The following CHST8 variants were observed in gnomAD, a reference collection of about 807,000 sequenced individuals.
CHST8 encodes the protein carbohydrate sulfotransferase 8, also known as GALNAC-4-ST1.
CHST8 carries 10 observed loss-of-function variants against 15.0 expected under a neutral mutation model. The ratio of observed to expected loss-of-function variants is 0.67; its 90% confidence interval spans 0.41 to 1.13. The LOEUF is 1.13. Among genes scored for constraint, CHST8 ranks in the 50% most tolerant of loss-of-function variants. The probability of loss-of-function intolerance (pLI) is 0.00; values close to 1 mark genes in which losing one functional copy is unlikely to be tolerated. For missense variants in CHST8, 634 were observed against 608.2 expected (o/e 1.04, Z -0.45); for synonymous variants, 259 against 256.6 (o/e 1.01, Z -0.09).
At chr19:33,758,842 T>C (rs890799050) in intron 3 of CHST8, among the ~76,000 whole-genome samples, 1 of 151,890 alleles carries the variant, frequency 6.6e-6, no homozygotes, top group African/African-American at 2.4e-5. Context: ...GGGCAGTTTA[T>C]AAAGAAAAGA....
At chr19:33,675,793 GA>G (rs2145237852) in intron 2 of CHST8, among the ~76,000 whole-genome samples, 1 of 152,366 alleles carries the variant, frequency 6.6e-6, no homozygotes, top group African/African-American at 2.4e-5. Flanking sequence ...TCTGACCAGT[GA>G]GGCTGTAGCA....
chr19:33,669,090 A>G lies in CHST8; in HGVS notation c.-87+1247A>G, dbSNP rs111298220. 6.6e-5 allele frequency among the ~76,000 whole-genome samples: 10 copies of G among 152,320 alleles called. 1 individual carries two copies. Among genetic ancestry groups the G allele is most frequent in the African/African-American group, 2.4e-4 (10 of 41,572 alleles). On this transcript the variant is annotated intron_variant, in intron 2 of 4. Coordinates refer to ENST00000650847, the MANE Select transcript of CHST8 (RefSeq NM_001127895.2). ...GCCCCCGCTAAGCAGAATCGTTCCC[A>G]TCAGCCACAGGCACCAGTGCACTGT...
intron 1 of CHST8, among the ~76,000 whole-genome samples, chr19:33,648,377 C>T (rs1284317209): frequency 1.1e-5 from 1 of 87,996 alleles, no homozygotes; most frequent in Non-Finnish European, 3.0e-5. Context: ...CTGTGCTATT[C>T]ACAGTCACTC....
chr19:33,654,925 G>A (rs1362565652), intron 1 of CHST8, among the ~76,000 whole-genome samples: 3 of 152,212 alleles, frequency 2.0e-5, no homozygotes, highest in Middle Eastern at 3.4e-3. Context: ...TCATGCCTGA[G>A]GATTTCCTTT....
At chr19:33,724,158 C>T (rs1973850110) in intron 3 of CHST8, among the ~76,000 whole-genome samples, 1 of 152,194 alleles carries the variant, frequency 6.6e-6, no homozygotes, top group African/African-American at 2.4e-5. Flanking sequence ...CCACAGGCAG[C>T]TGCTCTGGCC....
At chr19:33,770,951 T>C (rs939540499) in intron 3 of CHST8, among the ~76,000 whole-genome samples, 7 of 152,068 alleles carry the variant, frequency 4.6e-5, no homozygotes, top group African/African-American at 1.7e-4. Flanking sequence ...ATTCCAAGCA[T>C]AGAGAATCCA....
chr19:33,647,602 T>C (rs904433808), intron 1 of CHST8, among the ~76,000 whole-genome samples: 1 of 152,158 alleles, frequency 6.6e-6, no homozygotes. Flanking sequence ...TCCTAGCACT[T>C]TGGGAGGCGG....
At chr19:33,718,333 C>A (rs1599580875) in intron 3 of CHST8, among the ~76,000 whole-genome samples, 1 of 151,636 alleles carries the variant, frequency 6.6e-6, no homozygotes, top group South Asian at 2.1e-4. Flanking sequence ...ATCCTCCCAT[C>A]TTGGCCTCCC....
intron 3 of CHST8, among the ~76,000 whole-genome samples, chr19:33,722,531 G>C (rs142523260): frequency 6.6e-6 from 1 of 152,164 alleles, no homozygotes; most frequent in Non-Finnish European, 1.5e-5. Flanking sequence ...CTTGCAGTTC[G>C]CACACCCAGC....
intron 3 of CHST8, among the ~76,000 whole-genome samples, chr19:33,756,172 C>T (rs1974542654): frequency 6.6e-6 from 1 of 152,234 alleles, no homozygotes; most frequent in South Asian, 2.1e-4. Flanking sequence ...AACGTGAATA[C>T]TGTGATGATG....
At chr19:33,755,676 C>G (rs184367422) in intron 3 of CHST8, among the ~76,000 whole-genome samples, 4 of 152,208 alleles carry the variant, frequency 2.6e-5, no homozygotes, top group Admixed American at 2.6e-4. Context: ...CAGACTGGAG[C>G]CTTAATTCCT....
intron 2 of CHST8, among the ~76,000 whole-genome samples, chr19:33,668,313 C>T (rs1972689790): frequency 1.3e-5 from 2 of 152,136 alleles, no homozygotes; most frequent in South Asian, 2.1e-4. Context: ...ATGCACACTG[C>T]CTAACACTCT....
intron 3 of CHST8, among the ~76,000 whole-genome samples, chr19:33,761,151 C>T (rs970042359): frequency 2.6e-5 from 4 of 152,196 alleles, no homozygotes; most frequent in Admixed American, 2.0e-4. Context: ...TTCGTTCTTT[C>T]CCATTTGCAG....
chr19:33,649,235 GTT>G (rs997524242), intron 1 of CHST8, among the ~76,000 whole-genome samples: 2 of 151,990 alleles, frequency 1.3e-5, no homozygotes, highest in Non-Finnish European at 2.9e-5. Context: ...CCATCCTAGT[GTT>G]TGTGTGCTAG....
intron 3 of CHST8, among the ~76,000 whole-genome samples, chr19:33,700,185 G>A (rs1020584337): frequency 6.6e-5 from 10 of 152,278 alleles, no homozygotes; most frequent in East Asian, 5.8e-4. Context: ...ACCCTCTTGC[G>A]TCTGTTTCCT....
Position 33,772,702 on chromosome 19 carries a change from G to A in CHST8, c.914G>A (p.Gly305Glu). Residue 305 changes from glycine (G) to glutamate (E), a missense_variant, in exon 5 of 5, where the codon GGG becomes GAG. Coordinates refer to ENST00000650847, the MANE Select transcript of CHST8 (RefSeq NM_001127895.2). The stretch of plus-strand genomic sequence containing the variant: ...CGGGAGGCCCTGCGGACCGGCTCTG[G>A]GGTGCGTTTTCCCGAGTTCGTCCAG... Reference protein sequence around the residue: ...ASREALRTGSGVRFPEFVQYL... With the variant: ...ASREALRTGSEVRFPEFVQYL... The A allele has an allele frequency of 6.2e-7, 1 of 1,613,532 alleles. No individual in the cohort carries two copies. Among genetic ancestry groups the A allele is most frequent in the East Asian group, 2.2e-5 (1 of 44,860 alleles).
At chr19:33,768,618 A>C (rs918583171) in intron 3 of CHST8, among the ~76,000 whole-genome samples, 1 of 151,730 alleles carries the variant, frequency 6.6e-6, no homozygotes, top group Non-Finnish European at 1.5e-5. Context: ...CACCCAGCTA[A>C]TTTTTTTGTA....
intron 3 of CHST8, among the ~76,000 whole-genome samples, chr19:33,719,932 C>T (rs1973750712): frequency 4.6e-5 from 7 of 152,092 alleles, no homozygotes; most frequent in Admixed American, 4.6e-4. Flanking sequence ...GTGTGTCAGG[C>T]ACTAGATAGA....
intron 1 of CHST8, among the ~76,000 whole-genome samples, chr19:33,636,771 G>T (rs927587437): frequency 1.3e-5 from 2 of 152,074 alleles, no homozygotes; most frequent in African/African-American, 4.8e-5. Context: ...CATGGGGGCT[G>T]GCGCCTATAA....
Sources: allele counts gnomAD v4.1 joint callset (sites outside exome capture counted in the v4.1 genomes callset), GRCh38; gene constraint gnomAD v4.1.1; transcripts MANE v1.5; gene names NCBI Gene and HGNC (gene_info 2026-07-23, HGNC 2026-07-21).